The following STIP1 variants were observed in gnomAD, a reference collection of about 807,000 sequenced individuals.
STIP1 encodes the protein stress-induced-phosphoprotein 1.
A neutral mutation model predicts 77.4 loss-of-function variants in STIP1; 16 were observed. The observed-to-expected ratio is 0.21, with a 90% CI of 0.14 to 0.31. The LOEUF (loss-of-function observed/expected upper bound fraction) is 0.31. Among genes scored for constraint, STIP1 ranks in the 10% least tolerant of loss-of-function variants. The pLI, the probability that STIP1 is intolerant of heterozygous loss-of-function variation, is 1.00. For synonymous variants in STIP1, 258 were observed against 246.6 expected (o/e 1.05, Z -0.44); for missense variants, 524 against 684.8 (o/e 0.77, Z 2.62).
intron 1 of STIP1, among the ~76,000 whole-genome samples, chr11:64,187,468 G>A (rs1442296570): frequency 6.6e-6 from 1 of 152,136 alleles, no homozygotes; most frequent in East Asian, 1.9e-4. Flanking sequence ...AAGACATCTC[G>A]ATGGACTAGT....
chr11:64,200,849 C>G (rs1157744235), intron 10 of STIP1, among the ~76,000 whole-genome samples: 1 of 151,994 alleles, frequency 6.6e-6, no homozygotes, highest in Non-Finnish European at 1.5e-5. Context: ...CAGCTGCCCA[C>G]ACTGGAGTGC....
chr11:64,192,334 AC>A (rs1285958266), intron 1 of STIP1, among the ~76,000 whole-genome samples: 1 of 151,872 alleles, frequency 6.6e-6, no homozygotes, highest in Non-Finnish European at 1.5e-5. Flanking sequence ...ACAAAACAAA[AC>A]CCCGCTGTAT....
chr11:64,196,200 A>T (rs560252313), intron 5 of STIP1, among the ~76,000 whole-genome samples: 3 of 152,082 alleles, frequency 2.0e-5, no homozygotes, highest in Admixed American at 2.0e-4. Context: ...GTTCAAGACC[A>T]GTCTGGCCAA....
intron 8 of STIP1, among the ~76,000 whole-genome samples, chr11:64,199,566 A>AT (rs202101452): frequency 0.054 from 6,671 of 123,502 alleles, 379 homozygotes; most frequent in African/African-American, 0.14. Flanking sequence ...TCCTAATCTG[A>AT]TTTTTTTTTT....
At chr11:64,187,697 TTTTACC>T (rs1946040895) in intron 1 of STIP1, among the ~76,000 whole-genome samples, 1 of 152,162 alleles carries the variant, frequency 6.6e-6, no homozygotes, top group East Asian at 1.9e-4. Context: ...GACGTTGCTC[TTTTACC>T]TTTAAGAAAG....
intron 8 of STIP1, 82 bp from the exon 9 acceptor site, chr11:64,199,858 C>A: frequency 1.3e-6 from 2 of 1,535,966 alleles, no homozygotes; most frequent in Non-Finnish European, 8.9e-7. Context: ...CCACCGCGCC[C>A]GGCCCCTAAT....
chr11:64,199,531 G>T (rs1946191767), intron 8 of STIP1, among the ~76,000 whole-genome samples: 1 of 141,244 alleles, frequency 7.1e-6, no homozygotes. Flanking sequence ...AAAAAATCTT[G>T]CCAGCAATAC....
At chr11:64,198,121 C>G in intron 8 of STIP1, 147 bp downstream of exon 8, 1 of 1,193,272 alleles carries the variant, frequency 8.4e-7, no homozygotes, top group Non-Finnish European at 1.1e-6. Flanking sequence ...GACAGTGGCA[C>G]AATCGTGGCT....
In STIP1 at chr11:64,190,843, A is replaced by G. The variant is rs1305484559; in HGVS notation, c.10-2235A>G. On this transcript the variant is annotated intron_variant, in intron 1 of 13. Transcript: ENST00000305218. Reference sequence around the variant, plus strand: ...GACACCATTTCTACCACAAAAAGAAAAAAACATTTAGCCAGGCATGGTGAC... The same window carrying G: ...GACACCATTTCTACCACAAAAAGAAGAAAACATTTAGCCAGGCATGGTGAC... 3.9e-5 allele frequency among the ~76,000 whole-genome samples: 6 copies of G among 152,128 alleles called. No homozygotes were observed. In the East Asian group the frequency reaches 1.2e-3, roughly 29 times the overall value.
intron 8 of STIP1, among the ~76,000 whole-genome samples, chr11:64,199,028 T>C (rs1946183820): frequency 6.7e-6 from 1 of 149,684 alleles, no homozygotes; most frequent in African/African-American, 2.5e-5. Context: ...TGAAACCCCG[T>C]CTCTACTAAA....
chr11:64,200,370 A>T, intron 10 of STIP1, 77 bp downstream of exon 10: 1 of 1,531,250 alleles, frequency 6.5e-7, no homozygotes. Flanking sequence ...CTCCTCATCA[A>T]CATTGAGTTG....
Position 64,202,756 on chromosome 11 carries a change from GT to G in STIP1, c.1246-118del, listed in dbSNP as rs1946233411. Reference sequence around the variant, plus strand: ...ATCATCTGGAGTTGTCTTTCCTGATGTTGTCCCCTCTGTTTGGTGCTGGGTG... The same window carrying G: ...ATCATCTGGAGTTGTCTTTCCTGATGTGTCCCCTCTGTTTGGTGCTGGGTG... On this transcript the variant is annotated intron_variant, in intron 10 of 13. Coordinates refer to ENST00000305218, the MANE Select transcript of STIP1 (RefSeq NM_006819.3). 42 of 988,404 alleles carry G rather than the reference GT, an allele frequency of 4.2e-5. 1 individual carries two copies. The South Asian group carries it at 5.7e-4, about 14-fold the overall frequency. The allele number at this position is 988,404 out of a possible 1,614,324, so 61.2% of individuals were successfully genotyped here. A position where few individuals can be genotyped will look rare whatever the true frequency, so the allele number is the denominator to read the frequency against.
Position 64,204,372 on chromosome 11 carries a change from C to G in STIP1, c.*246C>G. 2.0e-6 allele frequency: 1 copy of G among 492,156 alleles called. No individual in the cohort carries two copies. The highest frequency in any genetic ancestry group is 3.6e-6 in the Non-Finnish European group (1 of 280,740). The allele number at this position is 492,156 out of a possible 1,614,324, so 30.5% of individuals were successfully genotyped here. A position where few individuals can be genotyped will look rare whatever the true frequency, so the allele number is the denominator to read the frequency against. On this transcript the variant is annotated 3_prime_UTR_variant, in exon 14 of 14. Transcript: ENST00000305218. Reference sequence around the variant, plus strand: ...TCGAGTTCCATGTCTCTTTCCCCTGCCCCTAGTTGCTGTCTCGGCTGCTCT... The same window carrying G: ...TCGAGTTCCATGTCTCTTTCCCCTGGCCCTAGTTGCTGTCTCGGCTGCTCT...
Position 64,193,115 on chromosome 11 carries a change from G to A in STIP1, c.47G>A (p.Ser16Asn), listed in dbSNP as rs781116221. The change falls in exon 2 of 14, where the codon AGC (serine) becomes AAC (asparagine). Residue 16 changes from serine (S) to asparagine (N), a missense_variant. By Grantham distance (46) the Ser-to-Asn change is conservative (BLOSUM62 1). Transcript: ENST00000305218. Reference sequence around the variant, plus strand: ...AAGGAGAAAGGCAACAAGGCCCTGAGCGTGGGTAACATCGATGATGCCTTA... The same window carrying A: ...AAGGAGAAAGGCAACAAGGCCCTGAACGTGGGTAACATCGATGATGCCTTA... ...ELKEKGNKAL[S>N]VGNIDDALQC... The A allele has an allele frequency of 2.5e-6, 4 of 1,614,076 alleles. No individual in the cohort carries two copies. In the African/African-American group the frequency reaches 4.0e-5, roughly 16 times the overall value.
At chr11:64,199,823 A>G in intron 8 of STIP1, 117 bp from the exon 9 acceptor site, 2 of 1,193,770 alleles carry the variant, frequency 1.7e-6, no homozygotes, top group Non-Finnish European at 1.2e-6. Context: ...TCGGCCTCCC[A>G]AAGTGCTGGG....
At chr11:64,185,696 G>C (rs371725389), upstream of STIP1, 6 of 1,292,220 alleles carry the variant, frequency 4.6e-6, no homozygotes, top group East Asian at 1.5e-4. Flanking sequence ...ACTGCAGCCG[G>C]TACTCCCATA....
At chr11:64,202,662 C>T in intron 10 of STIP1, 2 of 592,560 alleles carry the variant, frequency 3.4e-6, no homozygotes, top group East Asian at 2.8e-5. Flanking sequence ...GAATTGTCCC[C>T]CGCTATGTGT....
chr11:64,199,592 T>G (rs1394343359), intron 8 of STIP1, among the ~76,000 whole-genome samples: 10 of 137,338 alleles, frequency 7.3e-5, no homozygotes, highest in African/African-American at 2.7e-4. Flanking sequence ...AGATGGAGTC[T>G]CGCTCTGTCA....
rs1172572322 is a variant in STIP1, at chr11:64,204,297, C to T, written c.*171C>T. The T allele has an allele frequency of 9.1e-6, 6 of 656,080 alleles. No homozygotes were observed. The highest frequency in any genetic ancestry group is 2.0e-5 in the South Asian group (1 of 49,380). 40.6% of individuals were successfully genotyped at this position (656,080 alleles called of 1,614,324 possible). Reference sequence around the variant, plus strand: ...CTCGTACCTGCGCTGTTTGTGCCGCCGCTGCCTCTGGGCCCTCCCAGCACA... The same window carrying T: ...CTCGTACCTGCGCTGTTTGTGCCGCTGCTGCCTCTGGGCCCTCCCAGCACA... On this transcript the variant is annotated 3_prime_UTR_variant, in exon 14 of 14. Coordinates refer to ENST00000305218, the MANE Select transcript of STIP1 (RefSeq NM_006819.3).
Sources: allele counts gnomAD v4.1 joint callset (sites outside exome capture counted in the v4.1 genomes callset), GRCh38; gene constraint gnomAD v4.1.1; transcripts MANE v1.5; gene names NCBI Gene and HGNC (gene_info 2026-07-23, HGNC 2026-07-21).